KLHL29: variants seen among roughly 807,000 people sequenced by gnomAD.
The protein encoded by KLHL29 is kelch like family member 29, also known as kelch-like protein 29.
A neutral mutation model predicts 80.4 loss-of-function variants in KLHL29; 21 were observed. That is an observed-to-expected ratio of 0.26 (90% CI 0.19 to 0.38). KLHL29 has a LOEUF of 0.38. KLHL29 is among the 10% of genes least tolerant of loss of function. The pLI, the probability that KLHL29 is intolerant of heterozygous loss-of-function variation, is 1.00. For missense variants in KLHL29, 867 were observed against 1,223.9 expected (o/e 0.71, Z 4.35); for synonymous variants, 511 against 526.8 (o/e 0.97, Z 0.41).
intron 5 of KLHL29, among the ~76,000 whole-genome samples, chr2:23,666,325 G>C (rs538715867): frequency 6.6e-6 from 1 of 152,178 alleles, no homozygotes; most frequent in Admixed American, 6.5e-5. Flanking sequence ...CAGGGGTCTC[G>C]GGTGGATCTT....
intron 3 of KLHL29, among the ~76,000 whole-genome samples, chr2:23,637,583 C>T (rs376000774): frequency 2.0e-5 from 3 of 152,220 alleles, no homozygotes; most frequent in Admixed American, 6.5e-5. Context: ...ATTAGCTGAG[C>T]GCAGCCCACA....
chr2:23,536,236 G>A (rs1334754088), intron 2 of KLHL29, among the ~76,000 whole-genome samples: 1 of 152,214 alleles, frequency 6.6e-6, no homozygotes, highest in Admixed American at 6.5e-5. Flanking sequence ...GTATCCTGAA[G>A]CTGATGATGG....
chr2:23,410,078 A>G (rs1406595604), intron 1 of KLHL29, among the ~76,000 whole-genome samples: 2 of 152,156 alleles, frequency 1.3e-5, no homozygotes, highest in East Asian at 3.8e-4. Context: ...AGAGTGGAGA[A>G]TTAGGAGGGA....
chr2:23,573,442 C>A lies in KLHL29; in HGVS notation c.285+10961C>A, dbSNP rs531524559. Among the ~76,000 whole-genome samples, 14 of 152,304 alleles carry A rather than the reference C, an allele frequency of 9.2e-5. No homozygotes were observed. The South Asian group carries it at 2.7e-3, about 29-fold the overall frequency. ...ACTAAGGAACTTGCCCCAGATCACT[C>A]AGCAGAGTGGGATTCATCACCTAGA... is the stretch of plus-strand genomic sequence containing the variant. On this transcript the variant is annotated intron_variant, in intron 3 of 13. Transcript: ENST00000486442.
chr2:23,549,210 G>A (rs979882912), intron 2 of KLHL29, among the ~76,000 whole-genome samples: 1 of 152,262 alleles, frequency 6.6e-6, no homozygotes, highest in African/African-American at 2.4e-5. Context: ...CAGTATGCAA[G>A]GGGCCAGCAG....
chr2:23,707,967 A>G lies in KLHL29; in HGVS notation c.*1303A>G, dbSNP rs1309263641. The G allele has an allele frequency of 6.6e-6, 1 of 152,254 alleles. No individual in the cohort carries two copies. Among genetic ancestry groups the G allele is most frequent in the Non-Finnish European group, 1.5e-5 (1 of 68,044 alleles). 9.4% of individuals were successfully genotyped at this position (152,254 alleles called of 1,614,324 possible). A position where few individuals can be genotyped will look rare whatever the true frequency, so the allele number is the denominator to read the frequency against. ...TTAGCCCCTCAAACCTCACACGGTC[A>G]ACAGTTTCCATTCCAGGGCAGGAGA... On this transcript the variant is annotated 3_prime_UTR_variant, in exon 14 of 14. Coordinates refer to ENST00000486442, the MANE Select transcript of KLHL29 (RefSeq NM_052920.2).
At chr2:23,591,555 C>G (rs1229680257) in intron 3 of KLHL29, among the ~76,000 whole-genome samples, 21 of 151,788 alleles carry the variant, frequency 1.4e-4, no homozygotes, top group Admixed American at 1.3e-3. Context: ...TCCTTACCCC[C>G]CACAGCCAGT....
At chr2:23,554,816 G>A (rs1326883328) in intron 2 of KLHL29, among the ~76,000 whole-genome samples, 2 of 152,158 alleles carry the variant, frequency 1.3e-5, no homozygotes, top group Admixed American at 6.5e-5. Flanking sequence ...ATTATTCATG[G>A]TGAGGGTTTT....
chr2:23,394,591 G>A (rs190152890), intron 1 of KLHL29, among the ~76,000 whole-genome samples: 48 of 152,288 alleles, frequency 3.2e-4, no homozygotes, highest in Non-Finnish European at 5.0e-4. Flanking sequence ...CTATGGAGAA[G>A]GAAGAGAGCC....
At chr2:23,676,676 A>G (rs139841756) in intron 5 of KLHL29, among the ~76,000 whole-genome samples, 2 of 152,350 alleles carry the variant, frequency 1.3e-5, no homozygotes, top group East Asian at 3.9e-4. Context: ...ATGGGACCCT[A>G]GGAAGCAAGT....
intron 2 of KLHL29, among the ~76,000 whole-genome samples, chr2:23,502,367 G>A (rs1558362101): frequency 6.6e-6 from 1 of 152,262 alleles, no homozygotes; most frequent in Non-Finnish European, 1.5e-5. Context: ...GTGTGTTCCT[G>A]AGACGCTGCC....
At chr2:23,643,542 G>A (rs547752814) in intron 5 of KLHL29, 81 of 164,066 alleles carry the variant, frequency 4.9e-4, no homozygotes, top group African/African-American at 1.4e-3. Context: ...ACAGAGCCTC[G>A]GGAAGGATGC....
At chr2:23,419,832 G>A (rs1360608529) in intron 1 of KLHL29, among the ~76,000 whole-genome samples, 2 of 152,072 alleles carry the variant, frequency 1.3e-5, no homozygotes, top group Non-Finnish European at 2.9e-5. Context: ...TGGCTCATAG[G>A]TCATTTGTTG....
chr2:23,542,515 A>G (rs907333343), intron 2 of KLHL29, among the ~76,000 whole-genome samples: 3 of 152,052 alleles, frequency 2.0e-5, no homozygotes, highest in Non-Finnish European at 2.9e-5. Context: ...GGGTTTGGCT[A>G]TTTGGGGAAT....
At chr2:23,411,114 ATGG>A (rs1445140743) in intron 1 of KLHL29, among the ~76,000 whole-genome samples, 1 of 152,214 alleles carries the variant, frequency 6.6e-6, no homozygotes, top group East Asian at 1.9e-4. Context: ...ATGGATAAAG[ATGG>A]TGGAGGCACA....
At chr2:23,500,304 C>A (rs1320348805) in intron 2 of KLHL29, among the ~76,000 whole-genome samples, 1 of 152,178 alleles carries the variant, frequency 6.6e-6, no homozygotes, top group Admixed American at 6.5e-5. Context: ...GTACAGAGGG[C>A]TCTTCAGGAG....
rs542585758 is a variant in KLHL29 at position 23,498,147 on chromosome 2, AT to A, written c.-46+22481del. 1.1e-4 allele frequency among the ~76,000 whole-genome samples: 16 copies of A among 152,324 alleles called. No homozygotes were observed. In the East Asian group the frequency reaches 3.1e-3, roughly 29 times the overall value. Reference sequence around the variant, plus strand: ...AACTTCCAGCATACAATATAATATTATCCTATACACTGACAGTGAACACCAT... The same window carrying A: ...AACTTCCAGCATACAATATAATATTACCTATACACTGACAGTGAACACCAT... On this transcript the variant is annotated intron_variant, in intron 2 of 13. Transcript: ENST00000486442.
chr2:23,614,430 G>T (rs1340009690), intron 3 of KLHL29, among the ~76,000 whole-genome samples: 1 of 152,030 alleles, frequency 6.6e-6, no homozygotes, highest in Non-Finnish European at 1.5e-5. Context: ...AAAATTGACA[G>T]AACTAGAAGG....
At chr2:23,399,629 A>G (rs1355952857) in intron 1 of KLHL29, among the ~76,000 whole-genome samples, 4 of 152,206 alleles carry the variant, frequency 2.6e-5, no homozygotes, top group Admixed American at 2.6e-4. Flanking sequence ...TACAGCCTCA[A>G]GTGTTCAGTT....
Sources: gnomAD v4.1 joint callset for allele counts (sites outside exome capture counted in the v4.1 genomes callset) on GRCh38, gnomAD v4.1.1 for gene constraint, MANE v1.5 for transcripts, NCBI Gene and HGNC (gene_info 2026-07-23, HGNC 2026-07-21) for gene names.